INPP4B: variants seen among roughly 807,000 people sequenced by gnomAD.
INPP4B encodes the protein inositol polyphosphate-4-phosphatase type II B.
In INPP4B, 55 loss-of-function variants were observed where a neutral mutation model predicts 122.5. That is an observed-to-expected ratio of 0.45 (90% CI 0.36 to 0.56). The LOEUF (loss-of-function observed/expected upper bound fraction) is 0.56. Among genes scored for constraint, INPP4B ranks in the 20% least tolerant of loss-of-function variants. INPP4B has a pLI of 0.00. For synonymous variants in INPP4B, 403 were observed against 388.7 expected, an observed-to-expected ratio of 1.04 and a Z score of -0.43; for missense variants, 1,000 against 1,097.7, an observed-to-expected ratio of 0.91 and a Z score of 1.26.
At chr4:142,391,313 T>C (rs192481172) in intron 7 of INPP4B, among the ~76,000 whole-genome samples, 3 of 152,314 alleles carry the variant, frequency 2.0e-5, no homozygotes, top group Non-Finnish European at 4.4e-5. Flanking sequence ...ATCCCAGCAC[T>C]CTGGGAAGCC....
intron 2 of INPP4B, among the ~76,000 whole-genome samples, chr4:142,560,915 C>T (rs1730334200): frequency 6.6e-6 from 1 of 152,178 alleles, no homozygotes; most frequent in Admixed American, 6.5e-5. Flanking sequence ...TTAACCATCA[C>T]AACTACTAAT....
In INPP4B at chr4:142,492,141, G is replaced by A. The variant is rs1580200834; in HGVS notation, c.-190-29415C>T. Among the ~76,000 whole-genome samples the A allele has an allele frequency of 2.0e-5, 3 of 152,200 alleles. No individual in the cohort carries two copies. The South Asian group carries it at 6.2e-4, about 32-fold the overall frequency. On this transcript the variant is annotated intron_variant, in intron 2 of 25. Transcript: ENST00000262992. ...GCACTTCTCCTTGCTGCCACCATGA[G>A]TAGAAGGATGTGTTTGCTTCCACTT...
In INPP4B at chr4:142,463,989, C is replaced by T. The variant is rs531771068; in HGVS notation, c.-190-1263G>A. ...ATCAGCCTAAAGGAAGTCTTGGGGA[C>T]CCCCAATACAACCACCCTATAAGGG... On this transcript the variant is annotated intron_variant, in intron 2 of 25. Coordinates refer to ENST00000262992, the MANE Select transcript of INPP4B (RefSeq NM_001101669.3). Among the ~76,000 whole-genome samples, 8 of 152,148 alleles carry T rather than the reference C, an allele frequency of 5.3e-5. No homozygotes were observed. The South Asian group carries it at 1.7e-3, about 32-fold the overall frequency.
intron 17 of INPP4B, among the ~76,000 whole-genome samples, chr4:142,150,446 G>T (rs1218116072): frequency 6.6e-6 from 1 of 152,174 alleles, no homozygotes; most frequent in Non-Finnish European, 1.5e-5. Context: ...ACTGTATGAA[G>T]GAAGTAATGG....
At chr4:142,577,059 A>G (rs922612101) in intron 2 of INPP4B, among the ~76,000 whole-genome samples, 5 of 152,024 alleles carry the variant, frequency 3.3e-5, no homozygotes, top group Non-Finnish European at 7.4e-5. Flanking sequence ...TAAATTTCAT[A>G]TAGTCACTGA....
chr4:142,490,987 T>G (rs1402242476), intron 2 of INPP4B, among the ~76,000 whole-genome samples: 1 of 152,192 alleles, frequency 6.6e-6, no homozygotes, highest in Non-Finnish European at 1.5e-5. Context: ...TTAGGTTGCT[T>G]TCATATCTTG....
intron 7 of INPP4B, among the ~76,000 whole-genome samples, chr4:142,367,653 A>G (rs1397163095): frequency 6.6e-6 from 1 of 152,074 alleles, no homozygotes; most frequent in Non-Finnish European, 1.5e-5. Flanking sequence ...TGTTCTCAAC[A>G]TTATGCTCTA....
chr4:142,689,285 C>G (rs765100090), intron 2 of INPP4B, among the ~76,000 whole-genome samples: 5 of 152,138 alleles, frequency 3.3e-5, no homozygotes, highest in Admixed American at 2.0e-4. Flanking sequence ...CTTTACCTCA[C>G]CTTTACATCC....
At chr4:142,451,301 A>G (rs1004972813) in intron 3 of INPP4B, among the ~76,000 whole-genome samples, 41 of 117,162 alleles carry the variant, frequency 3.5e-4, no homozygotes, top group East Asian at 1.7e-3. Context: ...CCCAGGCTGT[A>G]GTGCAGTGGC....
chr4:142,537,740 AGTGTGTGTGTGTGTGTGTGT>A (rs72363974), intron 2 of INPP4B, among the ~76,000 whole-genome samples: 1 of 146,780 alleles, frequency 6.8e-6, no homozygotes, highest in East Asian at 2.0e-4. Flanking sequence ...TGTGTATATG[AGTGTGTGTGTGTGTGTGTGT>A]GTGTGTGTGT....
intron 16 of INPP4B, among the ~76,000 whole-genome samples, chr4:142,168,557 G>T (rs931142663): frequency 6.6e-6 from 1 of 151,470 alleles, no homozygotes; most frequent in African/African-American, 2.4e-5. Flanking sequence ...ATTTAGTCCC[G>T]CTACTAGGGC....
At chr4:142,334,958 A>G (rs1776050050) in intron 7 of INPP4B, among the ~76,000 whole-genome samples, 1 of 152,074 alleles carries the variant, frequency 6.6e-6, no homozygotes, top group Non-Finnish European at 1.5e-5. Context: ...TTAAATAGTG[A>G]AAGGATAAAT....
intron 7 of INPP4B, among the ~76,000 whole-genome samples, chr4:142,347,835 A>T (rs1561903605): frequency 6.6e-6 from 1 of 152,126 alleles, no homozygotes; most frequent in Non-Finnish European, 1.5e-5. Flanking sequence ...ACAAATTCTC[A>T]TAAAAATGTT....
At chr4:142,084,320 A>G (rs1190011204) in intron 24 of INPP4B, among the ~76,000 whole-genome samples, 1 of 151,884 alleles carries the variant, frequency 6.6e-6, no homozygotes, top group Non-Finnish European at 1.5e-5. Context: ...ATGGAGTTTC[A>G]CTGTTGGCCA....
chr4:142,816,665 A>T (rs1780155234), intron 1 of INPP4B, among the ~76,000 whole-genome samples: 1 of 152,106 alleles, frequency 6.6e-6, no homozygotes, highest in African/African-American at 2.4e-5. Context: ...TGCATACAGA[A>T]ATATATATAC....
At position 142,528,921 on chromosome 4, in the gene INPP4B, C is replaced by A. The variant is rs185459721; in HGVS notation, c.-190-66195G>T. On this transcript the variant is annotated intron_variant, in intron 2 of 25. Coordinates refer to ENST00000262992, the MANE Select transcript of INPP4B (RefSeq NM_001101669.3). ...GGAAAATAATGGACTGTGTTTGTTG[C>A]CAATTACAGAATTTGAATATTTGAA... 7.9e-5 allele frequency among the ~76,000 whole-genome samples: 12 copies of A among 152,068 alleles called. No individual in the cohort carries two copies. In the East Asian group the frequency reaches 2.1e-3, roughly 27 times the overall value.
rs1194875797 is a variant in INPP4B, at chr4:142,238,027, A to G, written c.689-16T>C. 7.5e-7 allele frequency: 1 copy of G among 1,341,806 alleles called. No individual in the cohort carries two copies. The highest frequency in any genetic ancestry group is 1.4e-5 in the African/African-American group (1 of 69,452). 83.1% of individuals were successfully genotyped at this position (1,341,806 alleles called of 1,614,324 possible). A position where few individuals can be genotyped will look rare whatever the true frequency, so the allele number is the denominator to read the frequency against. On this transcript the variant is annotated splice_polypyrimidine_tract_variant and intron_variant, in intron 11 of 25. Coordinates refer to ENST00000262992, the MANE Select transcript of INPP4B (RefSeq NM_001101669.3). ...TTCTTTAACACTGGAAAAAAAAAGA[A>G]AAAATAATAGTTAAATTCTAAGCAA... is the stretch of plus-strand genomic sequence containing the variant.
intron 7 of INPP4B, among the ~76,000 whole-genome samples, chr4:142,325,803 T>C (rs536151740): frequency 1.3e-5 from 2 of 152,334 alleles, no homozygotes; most frequent in South Asian, 4.1e-4. Flanking sequence ...ACAGGACTCA[T>C]GTAGTTCTTT....
At chr4:142,728,554 T>C (rs1308375821) in intron 1 of INPP4B, among the ~76,000 whole-genome samples, 1 of 152,120 alleles carries the variant, frequency 6.6e-6, no homozygotes, top group Non-Finnish European at 1.5e-5. Context: ...ACTGGCAACC[T>C]TATAAGAAGA....
Sources: allele counts gnomAD v4.1 joint callset (sites outside exome capture counted in the v4.1 genomes callset), GRCh38; gene constraint gnomAD v4.1.1; transcripts MANE v1.5; gene names NCBI Gene and HGNC (gene_info 2026-07-23, HGNC 2026-07-21).